The following LIFR variants were observed in gnomAD, a reference collection of about 807,000 sequenced individuals.
LIFR encodes LIF receptor subunit alpha, also known as leukemia inhibitory factor receptor.
LIFR carries 84 observed loss-of-function variants against 122.2 expected under a neutral mutation model. The ratio of observed to expected loss-of-function variants is 0.69; its 90% confidence interval spans 0.58 to 0.82. LIFR has a LOEUF of 0.82. Among genes scored for constraint, LIFR ranks in the 40% least tolerant of loss-of-function variants. LIFR has a pLI of 0.00. For synonymous variants in LIFR, 422 were observed against 434.7 expected (o/e 0.97, Z 0.36); for missense variants, 1,294 against 1,311.6 (o/e 0.99, Z 0.21).
intron 1 of LIFR, among the ~76,000 whole-genome samples, chr5:38,532,030 A>C (rs1405814007): frequency 1.3e-5 from 2 of 152,224 alleles, no homozygotes; most frequent in Non-Finnish European, 2.9e-5. Flanking sequence ...CCAGTTGCTG[A>C]ATTTATAGAA....
intron 1 of LIFR, among the ~76,000 whole-genome samples, chr5:38,548,751 T>C (rs1163096670): frequency 6.6e-6 from 1 of 152,160 alleles, no homozygotes; most frequent in East Asian, 1.9e-4. Context: ...TAAAATGTAT[T>C]GGCAATGGAA....
At chr5:38,487,355 A>G (rs1035168813) in intron 16 of LIFR, among the ~76,000 whole-genome samples, 3 of 152,136 alleles carry the variant, frequency 2.0e-5, no homozygotes, top group African/African-American at 7.2e-5. Flanking sequence ...GTTGAAAATA[A>G]TTTTCATTCA....
chr5:38,602,389 C>G (rs1263948205), intron 2 of LIFR, among the ~76,000 whole-genome samples: 1 of 152,220 alleles, frequency 6.6e-6, no homozygotes, highest in Admixed American at 6.5e-5. Flanking sequence ...ATTCCACACC[C>G]TTGCACATGT....
intron 1 of LIFR, among the ~76,000 whole-genome samples, chr5:38,537,554 T>C (rs1747358438): frequency 6.6e-6 from 1 of 152,174 alleles, no homozygotes; most frequent in African/African-American, 2.4e-5. Context: ...CTGAAGAACA[T>C]TCCTCCAATA....
At chr5:38,491,402 T>C (rs1334287395) in intron 14 of LIFR, among the ~76,000 whole-genome samples, 1 of 152,064 alleles carries the variant, frequency 6.6e-6, no homozygotes, top group East Asian at 1.9e-4. Context: ...TCAGATGCCA[T>C]GGAATCTTAA....
rs1037033 is a variant in LIFR at position 38,512,052 on chromosome 5, T to C, written c.562-88A>G. On this transcript the variant is annotated intron_variant, in intron 5 of 19. Transcript: ENST00000453190. Reference sequence around the variant, plus strand: ...GAATTAAAAGACACAATAGATTCCATACAATCATCAGCTAAGTTTATGTTT... The same window carrying C: ...GAATTAAAAGACACAATAGATTCCACACAATCATCAGCTAAGTTTATGTTT... The C allele has an allele frequency of 0.34, 434,530 of 1,281,518 alleles. 75,154 individuals carry two copies. The highest frequency in any genetic ancestry group is 0.4 in the East Asian group (16,302 of 40,290). 79.4% of individuals were successfully genotyped at this position (1,281,518 alleles called of 1,614,324 possible).
chr5:38,556,652 G>A (rs1208130971), upstream of LIFR: 1 of 147,066 alleles, frequency 6.8e-6, no homozygotes, highest in Admixed American at 6.7e-5. Context: ...GGACTGCGGC[G>A]CGCGGGGGCG....
chr5:38,521,659 C>G (rs1420974947), intron 5 of LIFR, among the ~76,000 whole-genome samples: 1 of 152,208 alleles, frequency 6.6e-6, no homozygotes, highest in African/African-American at 2.4e-5. Flanking sequence ...TTCTCAGGCC[C>G]CTGGCCAGCA....
chr5:38,489,773 G>A (rs13177837), intron 15 of LIFR, among the ~76,000 whole-genome samples: 3,817 of 149,300 alleles, frequency 0.026, 66 homozygotes, highest in Non-Finnish European at 0.04. Flanking sequence ...TGGGAGGATC[G>A]TTTGAGCCCA....
At chr5:38,601,558 T>C (rs1407429332) in intron 2 of LIFR, among the ~76,000 whole-genome samples, 2 of 152,048 alleles carry the variant, frequency 1.3e-5, no homozygotes, top group Admixed American at 6.6e-5. Context: ...TGTGTACTAC[T>C]TATAGGGTCA....
chr5:38,544,801 A>G (rs959701858), intron 1 of LIFR, among the ~76,000 whole-genome samples: 2 of 152,186 alleles, frequency 1.3e-5, no homozygotes, highest in African/African-American at 2.4e-5. Context: ...AGAGACAGAG[A>G]GCAGGCTCCT....
chr5:38,485,433 G>A (rs1403503328), intron 17 of LIFR, among the ~76,000 whole-genome samples: 1 of 152,178 alleles, frequency 6.6e-6, no homozygotes, highest in Non-Finnish European at 1.5e-5. Context: ...TCAAATTTGA[G>A]TGTTGTGCTT....
chr5:38,557,402 G>A (rs952414575), upstream of LIFR: 1 of 154,708 alleles, frequency 6.5e-6, no homozygotes, highest in Non-Finnish European at 1.5e-5. Flanking sequence ...AAATTAGCTG[G>A]AGAGCGTTTG....
chr5:38,504,163 G>GA (rs1561151876), intron 9 of LIFR, 42 bp from the exon 10 acceptor site: 1 of 1,296,692 alleles, frequency 7.7e-7, no homozygotes, highest in East Asian at 2.3e-5. Context: ...TATTTAAAGG[G>GA]AAAAACTATC....
intron 14 of LIFR, among the ~76,000 whole-genome samples, 170 bp from the exon 15 acceptor site, chr5:38,490,461 A>C (rs1162025104): frequency 6.6e-6 from 1 of 152,222 alleles, no homozygotes; most frequent in African/African-American, 2.4e-5. Context: ...TCAAAAGAAA[A>C]TTGACTAAAC....
intron 1 of LIFR, among the ~76,000 whole-genome samples, chr5:38,555,999 A>AG (rs1748508904): frequency 6.6e-6 from 1 of 152,326 alleles, no homozygotes; most frequent in East Asian, 1.9e-4. Flanking sequence ...GTTGAAGCAG[A>AG]GGGGCACGAA....
intron 8 of LIFR, 143 bp from the exon 9 acceptor site, chr5:38,506,217 ATG>A (rs1745472622): frequency 1.5e-6 from 1 of 645,180 alleles, no homozygotes; most frequent in Admixed American, 2.9e-5. Context: ...AAGAAAATGT[ATG>A]TGATACAGAA....
intron 1 of LIFR, among the ~76,000 whole-genome samples, chr5:38,567,653 C>CA (rs1749070705): frequency 6.6e-6 from 1 of 151,882 alleles, no homozygotes. Flanking sequence ...CTCAGCCTCC[C>CA]AAATAGCTGG....
intron 4 of LIFR, among the ~76,000 whole-genome samples, chr5:38,525,827 G>T (rs1746648776): frequency 6.6e-6 from 1 of 152,170 alleles, no homozygotes; most frequent in Non-Finnish European, 1.5e-5. Context: ...AAATGATTCA[G>T]GATGTCACAT....
Sources: gnomAD v4.1 joint callset for allele counts (sites outside exome capture counted in the v4.1 genomes callset) on GRCh38, gnomAD v4.1.1 for gene constraint, MANE v1.5 for transcripts, NCBI Gene and HGNC (gene_info 2026-07-23, HGNC 2026-07-21) for gene names.